The following LIFR variants were observed in gnomAD, a reference collection of about 807,000 sequenced individuals.
LIFR encodes leukemia inhibitory factor receptor.
In LIFR, 84 loss-of-function variants were observed where a neutral mutation model predicts 122.2. That is an observed-to-expected ratio of 0.69 (90% CI 0.58 to 0.82). The LOEUF (loss-of-function observed/expected upper bound fraction) is 0.82. Ranked by LOEUF, LIFR falls within the 40% of genes least tolerant of loss-of-function variation. LIFR has a pLI of 0.00. For synonymous variants in LIFR, 422 were observed against 434.7 expected, an observed-to-expected ratio of 0.97 and a Z score of 0.36; for missense variants, 1,294 against 1,311.6, an observed-to-expected ratio of 0.99 and a Z score of 0.21.
chr5:38,527,633 C>T (rs1267024027), intron 3 of LIFR, among the ~76,000 whole-genome samples: 1 of 152,138 alleles, frequency 6.6e-6, no homozygotes, highest in Non-Finnish European at 1.5e-5. Context: ...GGGACCAGTG[C>T]ATCACAGCGC....
chr5:38,606,081 G>C (rs530328805), intron 2 of LIFR: 110 of 152,306 alleles, frequency 7.2e-4, no homozygotes, highest in African/African-American at 2.2e-3. Context: ...CTCAATCAAT[G>C]TTAGTTGCTA....
At chr5:38,585,470 A>G (rs1275833444) in intron 1 of LIFR, among the ~76,000 whole-genome samples, 1 of 152,206 alleles carries the variant, frequency 6.6e-6, no homozygotes, top group African/African-American at 2.4e-5. Flanking sequence ...TGCTTAAAAA[A>G]CATAATTTGG....
At chr5:38,501,613 G>A (rs766962671) in intron 11 of LIFR, among the ~76,000 whole-genome samples, 7 of 152,122 alleles carry the variant, frequency 4.6e-5, no homozygotes, top group South Asian at 2.1e-4. Flanking sequence ...TTAGCCGGGC[G>A]TGGTGGTGGG....
At chr5:38,579,449 A>T (rs1749509128) in intron 1 of LIFR, 1 of 149,450 alleles carries the variant, frequency 6.7e-6, no homozygotes, top group Non-Finnish European at 1.5e-5. Flanking sequence ...ATATTTTTGG[A>T]AAAAAAAAAG....
intron 16 of LIFR, among the ~76,000 whole-genome samples, chr5:38,488,285 G>A (rs1382948481): frequency 4.6e-5 from 7 of 152,170 alleles, no homozygotes. Context: ...GGTGTTCTAG[G>A]GAGTGACTGA....
rs1404918524 is a variant in LIFR at position 38,504,029 on chromosome 5, T to C, written c.1384A>G (p.Ile462Val). ...ATTTCAATTTCACATAAAAAATTAA[T>C]CTTTGCAAAGTTGCCTGGTAAATGC... ...SWHLPGNFAK[I>V]NFLCEIEIKK... Residue 462 changes from isoleucine to valine, a missense_variant, in exon 10 of 20, where the codon ATT becomes GTT. By Grantham distance (29) the Ile-to-Val change is conservative. Transcript: ENST00000453190. 6 of 1,591,820 alleles carry C rather than the reference T, an allele frequency of 3.8e-6. No individual in the cohort carries two copies. Among genetic ancestry groups the C allele is most frequent in the Non-Finnish European group, 5.2e-6 (6 of 1,159,950 alleles).
At chr5:38,579,394 C>G (rs1312407288) in intron 1 of LIFR, 2 of 151,510 alleles carry the variant, frequency 1.3e-5, no homozygotes, top group African/African-American at 4.9e-5. Context: ...ACATTTTGAA[C>G]AGAAATATAA....
chr5:38,598,312 T>A (rs1249293012), upstream of LIFR, among the ~76,000 whole-genome samples: 3 of 139,928 alleles, frequency 2.1e-5, no homozygotes, highest in African/African-American at 8.0e-5. Flanking sequence ...AATGGTGCAA[T>A]CTCGGTGCTC....
chr5:38,505,289 C>T (rs967069018), intron 9 of LIFR, among the ~76,000 whole-genome samples: 5 of 151,960 alleles, frequency 3.3e-5, no homozygotes, highest in Admixed American at 1.3e-4. Flanking sequence ...ACTGTATGTA[C>T]AGGGGATGCT....
intron 1 of LIFR, among the ~76,000 whole-genome samples, chr5:38,573,432 T>G (rs574695698): frequency 1.3e-5 from 2 of 152,308 alleles, no homozygotes; most frequent in East Asian, 3.9e-4. Flanking sequence ...TGTTACATAT[T>G]ACCATATTAC....
At chr5:38,505,307 C>CA (rs753328542) in intron 9 of LIFR, among the ~76,000 whole-genome samples, 11 of 151,974 alleles carry the variant, frequency 7.2e-5, no homozygotes, top group African/African-American at 2.2e-4. Context: ...GCTGGAAGGG[C>CA]AACATGAGCA....
At chr5:38,547,252 G>C (rs1184121383) in intron 1 of LIFR, among the ~76,000 whole-genome samples, 1 of 152,126 alleles carries the variant, frequency 6.6e-6, no homozygotes, top group Non-Finnish European at 1.5e-5. Context: ...TGCACAACTT[G>C]TCACCTGCAA....
intron 11 of LIFR, among the ~76,000 whole-genome samples, chr5:38,500,114 C>G (rs1415401943): frequency 6.6e-6 from 1 of 152,168 alleles, no homozygotes; most frequent in Admixed American, 6.5e-5. Flanking sequence ...CTATCACTTC[C>G]TCTCCTCTGT....
At chr5:38,493,501 T>G (rs1159106374) in intron 14 of LIFR, 105 bp downstream of exon 14, 1 of 1,098,000 alleles carries the variant, frequency 9.1e-7, no homozygotes, top group Non-Finnish European at 1.4e-6. Context: ...AACCTATTTA[T>G]ACCCATCCAG....
intron 2 of LIFR, among the ~76,000 whole-genome samples, chr5:38,603,330 C>T (rs891921104): frequency 1.6e-4 from 25 of 152,148 alleles, no homozygotes; most frequent in African/African-American, 5.3e-4. Flanking sequence ...TAGACCTGTA[C>T]GGATTTGCCG....
At chr5:38,530,457 G>T (rs142305091) in intron 2 of LIFR, 49 bp downstream of exon 2, 2 of 1,537,080 alleles carry the variant, frequency 1.3e-6, no homozygotes, top group Non-Finnish European at 1.8e-6. Flanking sequence ...TCATCAAAAT[G>T]GAAATAAAAC....
intron 3 of LIFR, among the ~76,000 whole-genome samples, chr5:38,527,744 C>T (rs758993725): frequency 6.6e-6 from 1 of 152,182 alleles, no homozygotes; most frequent in Non-Finnish European, 1.5e-5. Flanking sequence ...CTTAACAGAA[C>T]TTCCTCTTCA....
intron 1 of LIFR, among the ~76,000 whole-genome samples, chr5:38,586,791 G>A (rs552429170): frequency 3.2e-4 from 49 of 151,682 alleles, no homozygotes; most frequent in Middle Eastern, 6.8e-3. Context: ...TCCAATTTTA[G>A]GTCTGGCACA....
At chr5:38,511,688 G>T in intron 6 of LIFR, 102 bp downstream of exon 6, 1 of 1,139,220 alleles carries the variant, frequency 8.8e-7, no homozygotes, top group Non-Finnish European at 1.3e-6. Flanking sequence ...TCCTCATGCA[G>T]CTGAATGAGG....
Sources: allele counts gnomAD v4.1 joint callset (sites outside exome capture counted in the v4.1 genomes callset), GRCh38; gene constraint gnomAD v4.1.1; transcripts MANE v1.5; gene names NCBI Gene and HGNC (gene_info 2026-07-23, HGNC 2026-07-21).